The following PZP variants were observed in gnomAD, a reference collection of about 807,000 sequenced individuals.
PZP encodes PZP alpha-2-macroglobulin like, also known as pregnancy zone protein.
In PZP, 150 loss-of-function variants were observed where a neutral mutation model predicts 179.8. The observed-to-expected ratio is 0.83, with a 90% CI of 0.73 to 0.96. PZP has a LOEUF of 0.96. PZP is among the 40% of genes least tolerant of loss of function. The pLI is 0.00. For missense variants in PZP, 1,689 were observed against 1,764.0 expected, an observed-to-expected ratio of 0.96 and a Z score of 0.76; for synonymous variants, 624 against 652.3, an observed-to-expected ratio of 0.96 and a Z score of 0.66.
At chr12:9,165,683 T>A (rs183309639) in intron 18 of PZP, among the ~76,000 whole-genome samples, 29 of 152,330 alleles carry the variant, frequency 1.9e-4, no homozygotes, top group Admixed American at 5.9e-4. Flanking sequence ...ATAAGCATTT[T>A]TAAGAATCAT....
chr12:9,192,773 T>G, intron 11 of PZP, 34 bp from the exon 12 acceptor site: 2 of 1,432,206 alleles, frequency 1.4e-6, no homozygotes, highest in Admixed American at 1.7e-5. Context: ...AAGAATACTG[T>G]CTTGAAATTC....
the PZP span, among the ~76,000 whole-genome samples, chr12:9,139,423 A>T: frequency 6.6e-6 from 1 of 152,202 alleles, no homozygotes; most frequent in African/African-American, 2.4e-5. Context: ...AATATTCTGC[A>T]TATGTCTGTT....
At chr12:9,142,494 T>C in the PZP span, among the ~76,000 whole-genome samples, 2 of 152,198 alleles carry the variant, frequency 1.3e-5, no homozygotes, top group South Asian at 2.1e-4. Flanking sequence ...ACTGTGCCAG[T>C]AAGTTTTAAA....
At chr12:9,149,932 T>C (rs921711858) in intron 34 of PZP, among the ~76,000 whole-genome samples, 2 of 152,150 alleles carry the variant, frequency 1.3e-5, no homozygotes, top group African/African-American at 4.8e-5. Flanking sequence ...CCTTAATTAC[T>C]TTTCAAAGAT....
chr12:9,207,988 C>T (rs1379604173), intron 1 of PZP, among the ~76,000 whole-genome samples: 1 of 152,126 alleles, frequency 6.6e-6, no homozygotes, highest in East Asian at 1.9e-4. Context: ...TCCAAAAGAA[C>T]TGTTCTGTGA....
At chr12:9,205,261 C>G (rs1254628962) in intron 1 of PZP, among the ~76,000 whole-genome samples, 1 of 152,114 alleles carries the variant, frequency 6.6e-6, no homozygotes, top group Non-Finnish European at 1.5e-5. Flanking sequence ...TGTCCTTTGT[C>G]TCTAATGCCC....
intron 15 of PZP, among the ~76,000 whole-genome samples, chr12:9,173,590 TAAA>T (rs942631886): frequency 6.6e-6 from 1 of 151,398 alleles, no homozygotes; most frequent in Non-Finnish European, 1.5e-5. Context: ...GCTAGACTAA[TAAA>T]GAAGAAAAAA....
intron 25 of PZP, 46 bp from the exon 26 acceptor site, chr12:9,158,622 CT>C: frequency 6.3e-7 from 1 of 1,591,362 alleles, no homozygotes; most frequent in Non-Finnish European, 8.6e-7. Flanking sequence ...TCATTGAGCA[CT>C]TTACTGCTCT....
At chr12:9,151,516 T>C in intron 33 of PZP, 88 bp downstream of exon 33, 1 of 1,097,792 alleles carries the variant, frequency 9.1e-7, no homozygotes, top group Non-Finnish European at 1.3e-6. Flanking sequence ...AATGATTGTT[T>C]TCCTCATGTT....
At chr12:9,188,665 G>A (rs1351115943) in intron 13 of PZP, among the ~76,000 whole-genome samples, 1 of 152,100 alleles carries the variant, frequency 6.6e-6, no homozygotes, top group Non-Finnish European at 1.5e-5. Context: ...GAAAAATGAT[G>A]TTAGCAAAAT....
At chr12:9,190,190 C>T (rs781282729) in intron 13 of PZP, among the ~76,000 whole-genome samples, 6 of 152,078 alleles carry the variant, frequency 3.9e-5, no homozygotes, top group Admixed American at 2.6e-4. Flanking sequence ...GACACATGCA[C>T]ACATATGTTC....
chr12:9,182,124 C>G lies in PZP; in HGVS notation c.1547-7G>C. The G allele has an allele frequency of 1.2e-6, 1 of 847,166 alleles. No individual in the cohort carries two copies. The highest frequency in any genetic ancestry group is 1.5e-6 in the Non-Finnish European group (1 of 645,934). The allele number at this position is 847,166 out of a possible 1,614,324, so 52.5% of individuals were successfully genotyped here. A position where few individuals can be genotyped will look rare whatever the true frequency, so the allele number is the denominator to read the frequency against. The stretch of plus-strand genomic sequence containing the variant: ...AAGGCAAAACTGCCTTTCACTGGAA[C>G]ATGGAGAGAGTGAGACAAAATGGTC... On this transcript the variant is annotated splice_region_variant and splice_polypyrimidine_tract_variant and intron_variant, in intron 13 of 35. Transcript: ENST00000261336.
intron 34 of PZP, 58 bp from the exon 35 acceptor site, chr12:9,149,660 C>T: frequency 6.5e-7 from 1 of 1,545,618 alleles, no homozygotes. Flanking sequence ...AGGGACCATG[C>T]TAAATCTGTC....
Position 9,188,250 on chromosome 12 carries a change from T to C in PZP, c.1546+3943A>G, listed in dbSNP as rs1346074884. Among the ~76,000 whole-genome samples, 5 of 152,208 alleles carry C rather than the reference T, an allele frequency of 3.3e-5. No homozygotes were observed. In the East Asian group the frequency reaches 7.7e-4, roughly 23 times the overall value. On this transcript the variant is annotated intron_variant, in intron 13 of 35. Coordinates refer to ENST00000261336, the MANE Select transcript of PZP (RefSeq NM_002864.3). ...CATATCAATAAATGTGATTCATTCA[T>C]ATAAACAGAACCAATGACAAAAATA...
At chr12:9,194,346 CA>C (rs1225459853) in intron 10 of PZP, 108 bp from the exon 11 acceptor site, 17 of 981,270 alleles carry the variant, frequency 1.7e-5, no homozygotes, top group Non-Finnish European at 2.1e-5. Context: ...ACCTCCCCCT[CA>C]AAAAAACCCC....
intron 21 of PZP, among the ~76,000 whole-genome samples, chr12:9,163,296 CAAAAAA>C (rs139918325): frequency 2.2e-5 from 3 of 134,440 alleles, no homozygotes; most frequent in Admixed American, 1.5e-4. Flanking sequence ...ACTAAAAATA[CAAAAAA>C]AAAAAAAAAA....
chr12:9,145,562 G>A (rs1356840224), downstream of PZP, among the ~76,000 whole-genome samples: 1 of 151,966 alleles, frequency 6.6e-6, no homozygotes, highest in African/African-American at 2.4e-5. Context: ...ACTTTTAACT[G>A]GAAGTAAAAG....
chr12:9,169,513 AG>A lies in PZP; in HGVS notation c.1917del (p.Cys640ValfsTer32). ...NVDQQEEEQG[H>X]CPRPFFIHNG... ...TTATGAATGAAGAAAGGACGGGGACAGTGTCCTTGTTCTTCCTCCTGCTGGT... is the reference window on the plus strand; with the variant it reads ...TTATGAATGAAGAAAGGACGGGGACATGTCCTTGTTCTTCCTCCTGCTGGT... On this transcript the variant is annotated frameshift_variant, in exon 16 of 36. Coordinates refer to ENST00000261336, the MANE Select transcript of PZP (RefSeq NM_002864.3). LOFTEE classifies it high-confidence loss of function. 6.2e-7 allele frequency: 1 copy of A among 1,612,468 alleles called. No homozygotes were observed. The highest frequency in any genetic ancestry group is 8.5e-7 in the Non-Finnish European group (1 of 1,178,758).
At chr12:9,185,377 T>G (rs1029297437) in intron 13 of PZP, among the ~76,000 whole-genome samples, 2 of 151,946 alleles carry the variant, frequency 1.3e-5, no homozygotes, top group African/African-American at 4.8e-5. Context: ...CAGACAAGAA[T>G]AAAGAAAGAA....
Sources: gnomAD v4.1 joint callset for allele counts (sites outside exome capture counted in the v4.1 genomes callset) on GRCh38, gnomAD v4.1.1 for gene constraint, MANE v1.5 for transcripts, NCBI Gene and HGNC (gene_info 2026-07-23, HGNC 2026-07-21) for gene names.